Variants in IL26 observed in about 807,000 individuals in gnomAD.
IL26 encodes interleukin 26.
In IL26, 23 loss-of-function variants were observed where a neutral mutation model predicts 21.7. That is an observed-to-expected ratio of 1.06 (90% CI 0.76 to 1.50). The LOEUF (loss-of-function observed/expected upper bound fraction) is 1.50, where lower values mean the gene tolerates loss of function less well. IL26 is among the 40% of genes most tolerant of loss of function. IL26 has a pLI of 0.00. For synonymous variants in IL26, 63 were observed against 67.8 expected, an observed-to-expected ratio of 0.93 and a Z score of 0.34; for missense variants, 204 against 196.0, an observed-to-expected ratio of 1.04 and a Z score of -0.24.
intron 3 of IL26, among the ~76,000 whole-genome samples, chr12:68,203,087 C>T (rs1331090785): frequency 6.6e-6 from 1 of 152,170 alleles, no homozygotes; most frequent in Non-Finnish European, 1.5e-5. Flanking sequence ...AAGGAGAAGG[C>T]ACCTAGGACA....
At chr12:68,210,764 T>C (rs1240905666) in intron 3 of IL26, among the ~76,000 whole-genome samples, 1 of 152,136 alleles carries the variant, frequency 6.6e-6, no homozygotes, top group Admixed American at 6.5e-5. Context: ...GTTCCAACCA[T>C]AGAAAAAAAT....
At chr12:68,206,832 C>T (rs1342899257) in intron 3 of IL26, among the ~76,000 whole-genome samples, 1 of 152,196 alleles carries the variant, frequency 6.6e-6, no homozygotes, top group Admixed American at 6.5e-5. Context: ...TTAATGGCAT[C>T]TGGGAACTTG....
intron 3 of IL26, among the ~76,000 whole-genome samples, chr12:68,214,052 T>C (rs1868806949): frequency 6.6e-6 from 1 of 152,152 alleles, no homozygotes; most frequent in African/African-American, 2.4e-5. Flanking sequence ...GTATATTGTG[T>C]TTCCACTTTT....
chr12:68,223,616 A>C (rs1004714996), intron 3 of IL26, among the ~76,000 whole-genome samples: 1 of 152,192 alleles, frequency 6.6e-6, no homozygotes, highest in Non-Finnish European at 1.5e-5. Context: ...AATGCAACTT[A>C]AATTTAAGAG....
chr12:68,224,039 AC>A (rs72054758), intron 3 of IL26, among the ~76,000 whole-genome samples: 67,293 of 147,178 alleles, frequency 0.46, 16,105 homozygotes, highest in East Asian at 0.61. Flanking sequence ...AAAAATAAAC[AC>A]CCCCCCCCTC....
chr12:68,225,130 A>G lies in IL26; in HGVS notation c.363+19T>C, dbSNP rs767349367. The G allele has an allele frequency of 2.5e-6, 4 of 1,596,710 alleles. No individual in the cohort carries two copies. The Admixed American group carries it at 5.4e-5, about 21-fold the overall frequency. The stretch of plus-strand genomic sequence containing the variant: ...AGGTTTCTAGGATCAAATGCACAGT[A>G]TTTGTTGTGTATACTTACACAGTGG... On this transcript the variant is annotated intron_variant, in intron 3 of 4. Coordinates refer to ENST00000229134, the MANE Select transcript of IL26 (RefSeq NM_018402.2).
chr12:68,218,768 A>T (rs1398507247), intron 3 of IL26, among the ~76,000 whole-genome samples: 1 of 152,058 alleles, frequency 6.6e-6, no homozygotes, highest in Non-Finnish European at 1.5e-5. Context: ...AAACTACATC[A>T]ATTCACATCA....
chr12:68,215,218 C>A (rs1174884564), intron 3 of IL26, among the ~76,000 whole-genome samples: 2 of 152,098 alleles, frequency 1.3e-5, no homozygotes, highest in East Asian at 3.8e-4. Flanking sequence ...GGTATCCTAC[C>A]CAGGAGCTCA....
chr12:68,223,410 C>T (rs946408893), intron 3 of IL26, among the ~76,000 whole-genome samples: 2 of 152,164 alleles, frequency 1.3e-5, no homozygotes, highest in East Asian at 1.9e-4. Flanking sequence ...AGAAACAAAC[C>T]AAGAAAAACC....
chr12:68,212,141 T>C (rs1868750886), intron 3 of IL26, among the ~76,000 whole-genome samples: 1 of 152,218 alleles, frequency 6.6e-6, no homozygotes, highest in Non-Finnish European at 1.5e-5. Flanking sequence ...GACTGTTCTT[T>C]CCCTCAATGT....
At chr12:68,202,576 G>A (rs1280951415) in intron 3 of IL26, among the ~76,000 whole-genome samples, 1 of 152,176 alleles carries the variant, frequency 6.6e-6, no homozygotes, top group African/African-American at 2.4e-5. Flanking sequence ...GGTGGCAGGA[G>A]AGTGAGCAGA....
intron 3 of IL26, among the ~76,000 whole-genome samples, chr12:68,206,625 C>T (rs1225759132): frequency 6.6e-6 from 1 of 152,194 alleles, no homozygotes; most frequent in African/African-American, 2.4e-5. Flanking sequence ...AGCAGCTTTA[C>T]AAATAAGGGC....
chr12:68,210,338 CAAAAAAAAAAAAAAAAAAAAAAAAAAAA>C lies in IL26; in HGVS notation c.364-8283_364-8256del, dbSNP rs540693081. Among the ~76,000 whole-genome samples, 21 of 22,096 alleles carry C rather than the reference CAAAAAAAAAAAAAAAAAAAAAAAAAAAA, an allele frequency of 9.5e-4. No individual in the cohort carries two copies. The East Asian group carries it at 0.016, about 17-fold the overall frequency. The allele number at this position is 22,096 out of a possible 152,430, so 14.5% of individuals were successfully genotyped here. Reference sequence around the variant, plus strand: ...ACTAAATAAATAAATATCAGTTTGGCAAAAAAAAAAAAAAAAAAAAAAAAAAAAAAAAAAAAAAAAAAAAAACAGCACA... The same window carrying C: ...ACTAAATAAATAAATATCAGTTTGGCAAAAAAAAAAAAAAAAAACAGCACA... On this transcript the variant is annotated intron_variant, in intron 3 of 4. Coordinates refer to ENST00000229134, the MANE Select transcript of IL26 (RefSeq NM_018402.2).
chr12:68,202,671 A>G (rs187421269), intron 3 of IL26, among the ~76,000 whole-genome samples: 1 of 152,278 alleles, frequency 6.6e-6, no homozygotes, highest in Admixed American at 6.5e-5. Context: ...AACCTCCCCC[A>G]TGATCCAATC....
At chr12:68,224,039 A>C (rs1251917454) in intron 3 of IL26, among the ~76,000 whole-genome samples, 50 of 147,240 alleles carry the variant, frequency 3.4e-4, no homozygotes, top group African/African-American at 1.2e-3. Flanking sequence ...AAAAATAAAC[A>C]CCCCCCCCCT....
intron 3 of IL26, 113 bp from the exon 4 acceptor site, chr12:68,202,196 T>A (rs1868409321): frequency 7.2e-6 from 4 of 558,950 alleles, no homozygotes; most frequent in Non-Finnish European, 1.2e-5. Context: ...GCACTAGATA[T>A]GCACTGGCAA....
chr12:68,225,503 A>G lies in IL26; in HGVS notation c.172-3T>C, dbSNP rs933381131. On this transcript the variant is annotated splice_region_variant and splice_polypyrimidine_tract_variant and intron_variant, in intron 1 of 4. Coordinates refer to ENST00000229134, the MANE Select transcript of IL26 (RefSeq NM_018402.2). The stretch of plus-strand genomic sequence containing the variant: ...CGTATATTTTTTATGCGGTCTTCCT[A>G]CAATAATACAAAGAGAAATAAGTTG... 1.9e-5 allele frequency: 30 copies of G among 1,597,910 alleles called. No homozygotes were observed. The highest frequency in any genetic ancestry group is 3.3e-5 in the Admixed American group (2 of 59,736).
At chr12:68,202,740 G>T (rs536953845) in intron 3 of IL26, among the ~76,000 whole-genome samples, 1 of 152,276 alleles carries the variant, frequency 6.6e-6, no homozygotes, top group East Asian at 1.9e-4. Context: ...TGAGATTTGG[G>T]TGGGGACACA....
rs573282041 is a variant in IL26, at chr12:68,204,679, T to G, written c.364-2596A>C. 2.7e-5 allele frequency among the ~76,000 whole-genome samples: 4 copies of G among 148,192 alleles called. No individual in the cohort carries two copies. In the East Asian group the frequency reaches 8.7e-4, roughly 32 times the overall value. ...TGAGAGTCAAAAAGGAGGAAAACAC[T>G]GTTCAATTAAAAAAAAAAACTAGCA... On this transcript the variant is annotated intron_variant, in intron 3 of 4. Coordinates refer to ENST00000229134, the MANE Select transcript of IL26 (RefSeq NM_018402.2).
Sources: allele counts gnomAD v4.1 joint callset (sites outside exome capture counted in the v4.1 genomes callset), GRCh38; gene constraint gnomAD v4.1.1; transcripts MANE v1.5; gene names NCBI Gene and HGNC (gene_info 2026-07-23, HGNC 2026-07-21).